Variants in CIT observed in about 807,000 individuals in gnomAD.
CIT encodes citron rho-interacting serine/threonine kinase, also known as citron Rho-interacting kinase.
In CIT, 79 loss-of-function variants were observed where a neutral mutation model predicts 272.7. The ratio of observed to expected loss-of-function variants is 0.29; its 90% CI spans 0.24 to 0.35. The LOEUF is 0.35. Ranked by LOEUF, CIT falls within the 10% of genes least tolerant of loss-of-function variation. The pLI is 1.00. For synonymous variants in CIT, 948 were observed against 995.6 expected (o/e 0.95, Z 0.90); for missense variants, 1,909 against 2,618.3 (o/e 0.73, Z 5.91).
At position 119,688,097 on chromosome 12, in the gene CIT, G is replaced by C. The variant is rs1022563497; in HGVS notation, c.*135C>G. The C allele has an allele frequency of 1.1e-6, 1 of 922,390 alleles. No homozygotes were observed. Among genetic ancestry groups the C allele is most frequent in the Non-Finnish European group, 1.8e-6 (1 of 566,488 alleles). 57.1% of individuals were successfully genotyped at this position (922,390 alleles called of 1,614,324 possible). On this transcript the variant is annotated 3_prime_UTR_variant, in exon 48 of 48. Transcript: ENST00000392521. ...TCCTGGAGACAGGGGTGTCCGTGCCGAGGTGGGTCTGGGCCCCGCTGAGCC... is the reference window on the plus strand; with the variant it reads ...TCCTGGAGACAGGGGTGTCCGTGCCCAGGTGGGTCTGGGCCCCGCTGAGCC...
At chr12:119,835,844 C>G (rs1275608903) in intron 5 of CIT, among the ~76,000 whole-genome samples, 2 of 152,142 alleles carry the variant, frequency 1.3e-5, no homozygotes, top group Admixed American at 6.5e-5. Flanking sequence ...CCTGGAGAAG[C>G]CAGTGACTCG....
chr12:119,750,240 G>C (rs755370045), intron 23 of CIT, among the ~76,000 whole-genome samples: 2 of 152,128 alleles, frequency 1.3e-5, no homozygotes, highest in African/African-American at 4.8e-5. Flanking sequence ...AATGTTATCT[G>C]TCTCTCTCCA....
intron 40 of CIT, among the ~76,000 whole-genome samples, 179 bp downstream of exon 40, chr12:119,708,000 G>A (rs1048481909): frequency 1.3e-5 from 2 of 152,108 alleles, no homozygotes; most frequent in African/African-American, 2.4e-5. Context: ...ACAATGGCAC[G>A]TGTATTCCCA....
chr12:119,745,380 A>AAAAAAAAAAAAC (rs1182944979), intron 23 of CIT, among the ~76,000 whole-genome samples: 1 of 136,896 alleles, frequency 7.3e-6, no homozygotes, highest in Admixed American at 7.4e-5. Flanking sequence ...CAAGCAAAAA[A>AAAAAAAAAAAAC]AAAAAAAAAA....
At chr12:119,845,953 C>CACACACACAT (rs67128292) in intron 5 of CIT, among the ~76,000 whole-genome samples, 3 of 150,794 alleles carry the variant, frequency 2.0e-5, no homozygotes, top group African/African-American at 7.3e-5. Context: ...AACACACACA[C>CACACACACAT]ACACACACAC....
chr12:119,785,577 T>C (rs528081326), intron 10 of CIT, among the ~76,000 whole-genome samples: 7 of 147,360 alleles, frequency 4.8e-5, no homozygotes, highest in South Asian at 2.2e-4. Context: ...TTTTTTTTTT[T>C]CTTGGAAACA....
chr12:119,795,420 A>G (rs1367275018), intron 10 of CIT, among the ~76,000 whole-genome samples: 1 of 152,154 alleles, frequency 6.6e-6, no homozygotes, highest in Non-Finnish European at 1.5e-5. Context: ...AAACTTGGAA[A>G]AGTTGACCAC....
chr12:119,798,101 A>T, intron 10 of CIT, among the ~76,000 whole-genome samples: 1 of 152,158 alleles, frequency 6.6e-6, no homozygotes, highest in Non-Finnish European at 1.5e-5. Context: ...GGGCACACAC[A>T]CACCAGATAA....
intron 9 of CIT, among the ~76,000 whole-genome samples, chr12:119,806,034 G>C (rs1304093182): frequency 6.6e-6 from 1 of 151,174 alleles, no homozygotes; most frequent in Non-Finnish European, 1.5e-5. Flanking sequence ...CTACTTGGGA[G>C]GCTGAGGCAA....
chr12:119,760,911 C>G (rs755246297), intron 20 of CIT, 28 bp downstream of exon 20: 1 of 1,443,348 alleles, frequency 6.9e-7, no homozygotes, highest in Admixed American at 1.7e-5. Context: ...CTCCTTTGAA[C>G]ACTGGCTTGG....
At chr12:119,872,333 A>T (rs1950705488) in intron 2 of CIT, among the ~76,000 whole-genome samples, 2 of 152,176 alleles carry the variant, frequency 1.3e-5, no homozygotes, top group Admixed American at 6.6e-5. Context: ...CTGACCTCGA[A>T]CATGTCAGGA....
At chr12:119,788,912 A>T (rs139591073) in intron 10 of CIT, among the ~76,000 whole-genome samples, 2 of 152,286 alleles carry the variant, frequency 1.3e-5, no homozygotes, top group East Asian at 3.9e-4. Flanking sequence ...AATAAATAAA[A>T]ATTGCATCTA....
intron 4 of CIT, among the ~76,000 whole-genome samples, chr12:119,852,543 G>A (rs1197645655): frequency 6.6e-6 from 1 of 151,776 alleles, no homozygotes; most frequent in African/African-American, 2.4e-5. Flanking sequence ...ATGAAACCTC[G>A]TCTCTACTAA....
intron 5 of CIT, among the ~76,000 whole-genome samples, chr12:119,836,825 A>G (rs1002409034): frequency 2.6e-5 from 4 of 152,254 alleles, no homozygotes; most frequent in Non-Finnish European, 2.9e-5. Flanking sequence ...TACTCCTGAC[A>G]TTCTATTTGC....
chr12:119,784,160 C>T lies in CIT; in HGVS notation c.1402-109G>A, dbSNP rs769135646. On this transcript the variant is annotated intron_variant, in intron 11 of 47. Transcript: ENST00000392521. This position sits in a 1 kb window ranked among gnomAD's most constrained non-coding sequence, Gnocchi z 4.7. ...CTGGTGGTCTGGGCTAAGGCTAATT[C>T]GCCAAAAGTTAAGTTGGGATGGAAA... is the stretch of plus-strand genomic sequence containing the variant. The T allele has an allele frequency of 2.4e-5, 39 of 1,610,842 alleles. No individual in the cohort carries two copies. Among genetic ancestry groups the T allele is most frequent in the African/African-American group, 2.7e-5 (2 of 74,872 alleles).
At chr12:119,765,479 T>G (rs1962335273) in intron 19 of CIT, among the ~76,000 whole-genome samples, 1 of 145,126 alleles carries the variant, frequency 6.9e-6, no homozygotes, top group Non-Finnish European at 1.5e-5. Context: ...CTTTTTTTTT[T>G]TTTTTTTTTG....
At chr12:119,858,251 T>C (rs968399479) in intron 3 of CIT, among the ~76,000 whole-genome samples, 1 of 152,182 alleles carries the variant, frequency 6.6e-6, no homozygotes, top group African/African-American at 2.4e-5. Flanking sequence ...GCATGGTGGC[T>C]GACGCCTGTA....
Position 119,717,414 on chromosome 12 carries a change from C to CTTTTTTTTTTTTTTTTTTTTT in CIT, c.4168+830_4168+831insAAAAAAAAAAAAAAAAAAAAA, listed in dbSNP as rs765763044. The stretch of plus-strand genomic sequence containing the variant: ...ATTTTTTCATATTCTTTTTTCTTTT[C>CTTTTTTTTTTTTTTTTTTTTT]TTTTCTTTTTTTTTTTTTTTTTTTG... On this transcript the variant is annotated intron_variant, in intron 32 of 47. Transcript: ENST00000392521. 2.9e-4 allele frequency among the ~76,000 whole-genome samples: 32 copies of CTTTTTTTTTTTTTTTTTTTTT among 109,450 alleles called. 1 individual carries two copies. Among genetic ancestry groups the CTTTTTTTTTTTTTTTTTTTTT allele is most frequent in the African/African-American group, 7.0e-4 (18 of 25,556 alleles). The allele number at this position is 109,450 out of a possible 152,430, so 71.8% of individuals were successfully genotyped here. A position where few individuals can be genotyped will look rare whatever the true frequency, so the allele number is the denominator to read the frequency against.
At chr12:119,827,813 C>T (rs112998125) in intron 7 of CIT, among the ~76,000 whole-genome samples, 175 of 152,260 alleles carry the variant, frequency 1.1e-3, no homozygotes, top group African/African-American at 3.9e-3. Context: ...AATGAAAATG[C>T]TACTATATTG....
Sources: gnomAD v4.1 joint callset for allele counts (sites outside exome capture counted in the v4.1 genomes callset) on GRCh38, gnomAD v4.1.1 for gene constraint, Gnocchi (gnomAD v3.1) non-coding constraint, MANE v1.5 for transcripts, NCBI Gene and HGNC (gene_info 2026-07-23, HGNC 2026-07-21) for gene names.